The following LPA variants were observed in gnomAD, a reference collection of about 807,000 sequenced individuals.
The protein encoded by LPA is apolipoprotein(a).
In LPA, 199 loss-of-function variants were observed where a neutral mutation model predicts 197.9. That is an observed-to-expected ratio of 1.01 (90% confidence interval 0.90 to 1.13). The LOEUF (loss-of-function observed/expected upper bound fraction) is 1.13. Among genes scored for constraint, LPA ranks in the 50% most tolerant of loss-of-function variants. LPA has a pLI of 0.00. For synonymous variants in LPA, 715 were observed against 639.5 expected, an observed-to-expected ratio of 1.12 and a Z score of -1.78; for missense variants, 1,853 against 1,785.8, an observed-to-expected ratio of 1.04 and a Z score of -0.68.
At chr6:160,603,502 T>C (rs1779285614) in intron 18 of LPA, among the ~76,000 whole-genome samples, 1 of 152,226 alleles carries the variant, frequency 6.6e-6, no homozygotes, top group Non-Finnish European at 1.5e-5. Context: ...ATATGGTATC[T>C]GCTTCATTCC....
At chr6:160,538,910 G>A (rs1271463083) in intron 36 of LPA, among the ~76,000 whole-genome samples, 1 of 152,196 alleles carries the variant, frequency 6.6e-6, no homozygotes, top group African/African-American at 2.4e-5. Context: ...CCAGCTCTCT[G>A]AGGACCATGA....
intron 16 of LPA, among the ~76,000 whole-genome samples, chr6:160,610,855 C>A (rs1779487778): frequency 1.3e-5 from 2 of 152,130 alleles, no homozygotes; most frequent in Admixed American, 1.3e-4. Flanking sequence ...TTCTCTAGGT[C>A]CTCTACCATC....
At chr6:160,546,237 C>T (rs1046186456) in intron 32 of LPA, among the ~76,000 whole-genome samples, 11 of 152,088 alleles carry the variant, frequency 7.2e-5, no homozygotes, top group African/African-American at 2.4e-4. Context: ...GAAGGTGAGC[C>T]GATCACCGAT....
chr6:160,654,006 TATATATTA>T (rs1780066681), intron 1 of LPA, among the ~76,000 whole-genome samples: 1 of 5,734 alleles, frequency 1.7e-4, no homozygotes, highest in African/African-American at 7.3e-4. Flanking sequence ...TTATATATAA[TATATATTA>T]TATATAATAT....
At chr6:160,584,129 C>T (rs771622579) in intron 26 of LPA, among the ~76,000 whole-genome samples, 5 of 152,006 alleles carry the variant, frequency 3.3e-5, no homozygotes, top group African/African-American at 4.8e-5. Flanking sequence ...TGTGTTCATA[C>T]AGGCTAGTAC....
At chr6:160,655,714 T>C (rs1780120977) in intron 1 of LPA, among the ~76,000 whole-genome samples, 1 of 152,234 alleles carries the variant, frequency 6.6e-6, no homozygotes, top group African/African-American at 2.4e-5. Flanking sequence ...TGGATTTATT[T>C]CCCATCCTCT....
intron 1 of LPA, among the ~76,000 whole-genome samples, chr6:160,654,153 C>T (rs778328803): frequency 3.8e-5 from 4 of 104,540 alleles, no homozygotes; most frequent in Admixed American, 1.2e-4. Context: ...ATTAACTCAG[C>T]GGATCACAAG....
At chr6:160,656,789 T>A (rs1356785654) in intron 1 of LPA, among the ~76,000 whole-genome samples, 3 of 152,180 alleles carry the variant, frequency 2.0e-5, no homozygotes, top group African/African-American at 7.2e-5. Context: ...AGTCTGGAAA[T>A]TGATTGAGGG....
At chr6:160,626,472 G>C (rs1655842563) in intron 10 of LPA, among the ~76,000 whole-genome samples, 1 of 125,276 alleles carries the variant, frequency 8.0e-6, no homozygotes, top group Non-Finnish European at 1.6e-5. Flanking sequence ...GTGTGTGTGT[G>C]TGTGTAGCTC....
intron 26 of LPA, among the ~76,000 whole-genome samples, chr6:160,582,783 C>G (rs899674453): frequency 2.0e-5 from 3 of 152,034 alleles, no homozygotes; most frequent in Non-Finnish European, 4.4e-5. Flanking sequence ...AGTATTTTTT[C>G]TGTTCCAATA....
chr6:160,557,937 T>G (rs1314742776), intron 28 of LPA, among the ~76,000 whole-genome samples: 1 of 151,794 alleles, frequency 6.6e-6, no homozygotes, highest in African/African-American at 2.4e-5. Flanking sequence ...TTTTTTTTTT[T>G]GTGACGGAGT....
At chr6:160,589,430 A>G in intron 24 of LPA, 123 bp downstream of exon 24, 1 of 1,168,936 alleles carries the variant, frequency 8.6e-7, no homozygotes, top group Non-Finnish European at 1.3e-6. Context: ...AGCCTGAGAC[A>G]TTCTGTCCAA....
chr6:160,654,606 A>G (rs4709455), intron 1 of LPA, among the ~76,000 whole-genome samples: 3 of 152,204 alleles, frequency 2.0e-5, no homozygotes, highest in Admixed American at 2.0e-4. Context: ...TATGCCTAAT[A>G]TAATACAACT....
At chr6:160,593,247 C>G (rs1049586867) in intron 22 of LPA, among the ~76,000 whole-genome samples, 4 of 152,166 alleles carry the variant, frequency 2.6e-5, no homozygotes, top group African/African-American at 7.2e-5. Context: ...TAAGGTTGAT[C>G]TCCTTTGATT....
intron 7 of LPA, among the ~76,000 whole-genome samples, chr6:160,634,453 C>T (rs1010174312): frequency 1.6e-5 from 2 of 127,320 alleles, no homozygotes; most frequent in Non-Finnish European, 3.3e-5. Flanking sequence ...AAACCTTCTT[C>T]CCTTGGAGGA....
At position 160,548,501 on chromosome 6, in the gene LPA, C is replaced by T; in HGVS notation, c.5132G>A (p.Ser1711Asn). ...ACCTTGTTCAGAAGGAGGCCCTAGG[C>T]TTGGAACCTGGATGACAGTCGGAGG... Reference protein sequence around the residue: ...VAPPTVIQVPSLGPPSEQDCM... With the variant: ...VAPPTVIQVPNLGPPSEQDCM... The change falls in exon 31 of 39, where the codon AGC becomes AAC. Residue 1711 changes from serine to asparagine, a missense_variant. By Grantham distance (46) the Ser-to-Asn change is conservative (BLOSUM62 1). This residue lies in a region of LPA where 1,737 missense variants were observed against 1,504.4 expected (regional missense o/e 1.15). Coordinates refer to ENST00000316300, the MANE Select transcript of LPA (RefSeq NM_005577.4). 6.2e-7 allele frequency: 1 copy of T among 1,614,078 alleles called. No homozygotes were observed. The highest frequency in any genetic ancestry group is 8.5e-7 in the Non-Finnish European group (1 of 1,180,014).
intron 16 of LPA, among the ~76,000 whole-genome samples, chr6:160,607,364 G>A (rs1461581235): frequency 6.6e-6 from 1 of 152,172 alleles, no homozygotes; most frequent in East Asian, 1.9e-4. Context: ...TCCTGGGCAG[G>A]ACCTTCTCTC....
chr6:160,603,139 C>G (rs6940254), intron 18 of LPA, among the ~76,000 whole-genome samples: 28,579 of 151,722 alleles, frequency 0.19, 3,530 homozygotes, highest in East Asian at 0.42. Context: ...CCTTCCTCTC[C>G]TTCTGTGACT....
intron 16 of LPA, among the ~76,000 whole-genome samples, chr6:160,609,988 T>C (rs939998502): frequency 2.6e-5 from 4 of 152,188 alleles, no homozygotes; most frequent in African/African-American, 7.2e-5. Context: ...GATTTGGCTA[T>C]TCTATACTAT....
Sources: allele counts gnomAD v4.1 joint callset (sites outside exome capture counted in the v4.1 genomes callset), GRCh38; gene constraint gnomAD v4.1.1; regional missense constraint gnomAD v4.1.1; transcripts MANE v1.5; gene names NCBI Gene and HGNC (gene_info 2026-07-23, HGNC 2026-07-21).